Variants in ZSWIM5 observed in about 807,000 individuals in gnomAD.
The protein encoded by ZSWIM5 is zinc finger SWIM-type containing 5.
A neutral mutation model predicts 119.6 loss-of-function variants in ZSWIM5; 55 were observed. That is an observed-to-expected ratio of 0.46 (90% CI 0.37 to 0.58). The LOEUF is 0.58. ZSWIM5 is among the 20% of genes least tolerant of loss of function. The pLI is 0.00. For missense variants in ZSWIM5, 1,193 were observed against 1,512.8 expected, an observed-to-expected ratio of 0.79 and a Z score of 3.51; for synonymous variants, 537 against 606.9, an observed-to-expected ratio of 0.88 and a Z score of 1.69.
chr1:45,168,399 G>C (rs981426125), intron 1 of ZSWIM5, among the ~76,000 whole-genome samples: 9 of 151,874 alleles, frequency 5.9e-5, no homozygotes, highest in Admixed American at 2.0e-4. Context: ...GTTAATGGCT[G>C]CAGCACACCA....
At chr1:45,027,976 G>A (rs1207008953) in intron 11 of ZSWIM5, among the ~76,000 whole-genome samples, 2 of 152,072 alleles carry the variant, frequency 1.3e-5, no homozygotes, top group Non-Finnish European at 2.9e-5. Flanking sequence ...TCAGCCTCCC[G>A]AGTAGCTGGG....
intron 1 of ZSWIM5, among the ~76,000 whole-genome samples, chr1:45,182,222 G>A (rs1646024565): frequency 1.3e-5 from 2 of 152,024 alleles, no homozygotes; most frequent in Non-Finnish European, 2.9e-5. Context: ...CGAGACCACG[G>A]TGAAACCCCG....
chr1:45,042,650 G>A (rs1645023492), intron 6 of ZSWIM5, among the ~76,000 whole-genome samples: 1 of 152,180 alleles, frequency 6.6e-6, no homozygotes, highest in Non-Finnish European at 1.5e-5. Context: ...TTTGAAATGG[G>A]TATCCTTTGA....
chr1:45,110,718 C>T (rs768191515), intron 1 of ZSWIM5, among the ~76,000 whole-genome samples: 35 of 152,186 alleles, frequency 2.3e-4, no homozygotes, highest in African/African-American at 7.0e-4. Flanking sequence ...CAAGTCTCTA[C>T]GGAAATAGTG....
At chr1:45,034,508 C>A in intron 10 of ZSWIM5, 39 bp from the exon 11 acceptor site, 2 of 1,553,112 alleles carry the variant, frequency 1.3e-6, no homozygotes, top group East Asian at 2.3e-5. Flanking sequence ...ACCATCCAGA[C>A]CCTGGGCTTC....
intron 1 of ZSWIM5, among the ~76,000 whole-genome samples, chr1:45,094,851 CA>C (rs747971507): frequency 3.6e-5 from 5 of 137,982 alleles, no homozygotes; most frequent in Non-Finnish European, 6.2e-5. Context: ...TACTCCAGAA[CA>C]AGGCAAGCAA....
At chr1:45,046,129 A>G (rs1645053118) in intron 5 of ZSWIM5, among the ~76,000 whole-genome samples, 1 of 152,128 alleles carries the variant, frequency 6.6e-6, no homozygotes, top group Non-Finnish European at 1.5e-5. Flanking sequence ...ACCATGAGAA[A>G]AAGATGACTT....
At chr1:45,168,664 C>CAAAA (rs1024002696) in intron 1 of ZSWIM5, among the ~76,000 whole-genome samples, 1 of 39,184 alleles carries the variant, frequency 2.6e-5, no homozygotes, top group Non-Finnish European at 5.6e-5. Context: ...GACTCCATCT[C>CAAAA]AAAAAAAAAA....
intron 1 of ZSWIM5, among the ~76,000 whole-genome samples, chr1:45,175,523 C>A (rs1645974735): frequency 6.6e-6 from 1 of 152,052 alleles, no homozygotes; most frequent in Non-Finnish European, 1.5e-5. Context: ...AATCCCAGCT[C>A]ACTGCAGCCT....
chr1:45,101,606 A>G (rs1356831463), intron 1 of ZSWIM5, among the ~76,000 whole-genome samples: 1 of 151,978 alleles, frequency 6.6e-6, no homozygotes, highest in African/African-American at 2.4e-5. Flanking sequence ...GTTTACTGCA[A>G]CACTATTCAC....
At chr1:45,095,353 T>C (rs943706510) in intron 1 of ZSWIM5, among the ~76,000 whole-genome samples, 7 of 152,162 alleles carry the variant, frequency 4.6e-5, no homozygotes, top group African/African-American at 1.7e-4. Flanking sequence ...CTTGAACTCC[T>C]GGCCTCAACT....
At chr1:45,087,426 T>C (rs995354880) in intron 2 of ZSWIM5, among the ~76,000 whole-genome samples, 4 of 152,212 alleles carry the variant, frequency 2.6e-5, no homozygotes, top group Non-Finnish European at 4.4e-5. Context: ...CCCCAATATA[T>C]AGTTCATAAG....
intron 2 of ZSWIM5, among the ~76,000 whole-genome samples, chr1:45,082,375 A>G (rs1645299122): frequency 6.6e-6 from 1 of 152,154 alleles, no homozygotes; most frequent in Admixed American, 6.5e-5. Context: ...ATGTCCTAGA[A>G]GTATCTCAAA....
At chr1:45,084,888 C>T (rs1645316025) in intron 2 of ZSWIM5, among the ~76,000 whole-genome samples, 1 of 152,238 alleles carries the variant, frequency 6.6e-6, no homozygotes, top group Non-Finnish European at 1.5e-5. Context: ...GATATACCAT[C>T]CTGGGATCTG....
intron 1 of ZSWIM5, among the ~76,000 whole-genome samples, chr1:45,146,830 C>T (rs1356786880): frequency 3.9e-5 from 6 of 152,114 alleles, no homozygotes; most frequent in Non-Finnish European, 8.8e-5. Context: ...CTTTATAGTA[C>T]AGTCAAAGTA....
chr1:45,195,772 G>T (rs776660867), intron 1 of ZSWIM5, among the ~76,000 whole-genome samples: 2 of 151,916 alleles, frequency 1.3e-5, no homozygotes, highest in Non-Finnish European at 2.9e-5. Flanking sequence ...AGTTGACATG[G>T]TCCATAGCAT....
At chr1:45,086,334 A>C (rs1645329801) in intron 2 of ZSWIM5, among the ~76,000 whole-genome samples, 1 of 152,176 alleles carries the variant, frequency 6.6e-6, no homozygotes, top group African/African-American at 2.4e-5. Flanking sequence ...AGGGACACAA[A>C]TCCAAACTGT....
At chr1:45,185,978 A>G (rs1646055857) in intron 1 of ZSWIM5, among the ~76,000 whole-genome samples, 1 of 152,202 alleles carries the variant, frequency 6.6e-6, no homozygotes, top group Non-Finnish European at 1.5e-5. Context: ...ATTATTCACA[A>G]TAGCAAACAC....
chr1:45,023,582 C>T (rs575521530), intron 11 of ZSWIM5, among the ~76,000 whole-genome samples: 130 of 148,870 alleles, frequency 8.7e-4, no homozygotes, highest in African/African-American at 2.9e-3. Flanking sequence ...TATGGATATA[C>T]GATAATTTAT....
Sources: allele counts gnomAD v4.1 joint callset (sites outside exome capture counted in the v4.1 genomes callset), GRCh38; gene constraint gnomAD v4.1.1; transcripts MANE v1.5; gene names NCBI Gene and HGNC (gene_info 2026-07-23, HGNC 2026-07-21).